The following CNTN5 variants were observed in gnomAD, a reference collection of about 807,000 sequenced individuals.
CNTN5 encodes the protein contactin-5.
Under a neutral mutation model 129.1 loss-of-function variants are expected in CNTN5, and 77 were observed. The observed-to-expected ratio is 0.60, with a 90% CI of 0.50 to 0.72. CNTN5 has a LOEUF of 0.72. Ranked by LOEUF, CNTN5 falls within the 30% of genes least tolerant of loss-of-function variation. CNTN5 has a pLI of 0.00. For synonymous variants in CNTN5, 509 were observed against 465.6 expected, an observed-to-expected ratio of 1.09 and a Z score of -1.20; for missense variants, 1,478 against 1,328.8, an observed-to-expected ratio of 1.11 and a Z score of -1.75.
intron 1 of CNTN5, among the ~76,000 whole-genome samples, chr11:99,124,617 A>G (rs1190386192): frequency 6.6e-6 from 1 of 152,128 alleles, no homozygotes; most frequent in Non-Finnish European, 1.5e-5. Context: ...AACCAAAATC[A>G]GAGCTAAACT....
intron 1 of CNTN5, among the ~76,000 whole-genome samples, chr11:99,213,377 T>TATATACAC (rs1859929016): frequency 7.2e-6 from 1 of 138,802 alleles, no homozygotes; most frequent in Non-Finnish European, 1.5e-5. Flanking sequence ...TATATATGTA[T>TATATACAC]ATACATATAT....
chr11:99,380,093 GTGTGTGTGTGTGTAT>G (rs1287818677), intron 2 of CNTN5, among the ~76,000 whole-genome samples: 3 of 149,238 alleles, frequency 2.0e-5, no homozygotes, highest in Admixed American at 1.4e-4. Context: ...GTGTGTGTGT[GTGTGTGTGTGTGTAT>G]GGTGTGTGTG....
chr11:99,307,568 C>T (rs1382031073), intron 1 of CNTN5, among the ~76,000 whole-genome samples: 1 of 152,094 alleles, frequency 6.6e-6, no homozygotes, highest in Non-Finnish European at 1.5e-5. Flanking sequence ...ATTAATGTAA[C>T]AGTCTTCTGT....
intron 3 of CNTN5, among the ~76,000 whole-genome samples, chr11:99,771,291 A>T (rs1296504849): frequency 3.3e-5 from 5 of 152,072 alleles, no homozygotes; most frequent in Non-Finnish European, 4.4e-5. Flanking sequence ...TTGCAGCATC[A>T]TTCACCATAG....
intron 9 of CNTN5, among the ~76,000 whole-genome samples, chr11:100,038,421 G>A (rs57803970): frequency 0.041 from 6,219 of 152,248 alleles, 147 homozygotes; most frequent in African/African-American, 0.068. Context: ...GTGTGGTGTG[G>A]TGTTGAAAAG....
intron 9 of CNTN5, among the ~76,000 whole-genome samples, chr11:100,011,036 A>G (rs59451320): frequency 0.18 from 27,983 of 152,064 alleles, 3,706 homozygotes; most frequent in African/African-American, 0.38. Flanking sequence ...TAGATGCAGC[A>G]GGTGCTGAAT....
intron 3 of CNTN5, among the ~76,000 whole-genome samples, chr11:99,756,515 G>A (rs1228028945): frequency 6.6e-6 from 1 of 152,098 alleles, no homozygotes; most frequent in Admixed American, 6.5e-5. Context: ...GAAGCACAAT[G>A]AGTAAGCTGA....
intron 6 of CNTN5, among the ~76,000 whole-genome samples, chr11:99,862,923 T>C (rs1280730657): frequency 2.6e-5 from 4 of 152,118 alleles, no homozygotes; most frequent in Admixed American, 2.0e-4. Flanking sequence ...GAGAAGTCGA[T>C]CTGGGGAAGT....
chr11:100,207,546 G>A (rs1948942962), intron 15 of CNTN5, among the ~76,000 whole-genome samples: 1 of 151,872 alleles, frequency 6.6e-6, no homozygotes, highest in African/African-American at 2.4e-5. Context: ...AAAAAATACT[G>A]CATTTTATCC....
intron 24 of CNTN5, among the ~76,000 whole-genome samples, chr11:100,351,796 G>A (rs941343481): frequency 4.0e-5 from 6 of 151,122 alleles, no homozygotes; most frequent in Non-Finnish European, 8.9e-5. Flanking sequence ...AGCAATCATT[G>A]CCAAGCAGAA....
chr11:99,860,710 T>C (rs750868912), intron 6 of CNTN5, among the ~76,000 whole-genome samples: 2 of 152,176 alleles, frequency 1.3e-5, no homozygotes, highest in Non-Finnish European at 2.9e-5. Context: ...CCTTATAGTG[T>C]AGTTTGAAGT....
chr11:99,212,095 A>G (rs187137337), intron 1 of CNTN5, among the ~76,000 whole-genome samples: 86 of 152,296 alleles, frequency 5.6e-4, no homozygotes, highest in Admixed American at 2.6e-3. Flanking sequence ...TTAATAAGGC[A>G]TTTGTTTTCT....
intron 1 of CNTN5, among the ~76,000 whole-genome samples, chr11:99,284,832 T>C (rs890876756): frequency 6.6e-6 from 1 of 151,976 alleles, no homozygotes; most frequent in Non-Finnish European, 1.5e-5. Flanking sequence ...TGCTGGATAG[T>C]AGATAAATAG....
At chr11:100,129,329 A>C (rs1279687470) in intron 13 of CNTN5, among the ~76,000 whole-genome samples, 1 of 152,144 alleles carries the variant, frequency 6.6e-6, no homozygotes, top group Non-Finnish European at 1.5e-5. Flanking sequence ...CTGGGTTTTC[A>C]AAGTAGATTT....
rs1404355066 is a variant in CNTN5, at chr11:99,966,066, C to T, written c.877+9057C>T. On this transcript the variant is annotated intron_variant, in intron 8 of 24. Coordinates refer to ENST00000524871, the MANE Select transcript of CNTN5 (RefSeq NM_014361.4). ...AATGTTTCTGCAAATGTGGCAAATG[C>T]CTCTGTAGGGGTTTGAATATAAAAA... 6.6e-5 allele frequency among the ~76,000 whole-genome samples: 10 copies of T among 152,010 alleles called. No individual in the cohort carries two copies. The East Asian group carries it at 9.7e-4, about 15-fold the overall frequency.
chr11:99,280,407 T>G (rs1863640487), intron 1 of CNTN5, among the ~76,000 whole-genome samples: 1 of 151,846 alleles, frequency 6.6e-6, no homozygotes, highest in African/African-American at 2.4e-5. Flanking sequence ...GGTGACATGA[T>G]TTTGAGCCTA....
chr11:99,718,030 G>GC (rs1491176662), intron 3 of CNTN5, among the ~76,000 whole-genome samples: 3 of 151,996 alleles, frequency 2.0e-5, no homozygotes, highest in Non-Finnish European at 4.4e-5. Flanking sequence ...ATTATAAATT[G>GC]CCTCATTCTG....
chr11:99,125,344 T>TAAAAA (rs34985933), intron 1 of CNTN5, among the ~76,000 whole-genome samples: 25 of 149,398 alleles, frequency 1.7e-4, no homozygotes, highest in African/African-American at 5.9e-4. Context: ...TCAACAGAAC[T>TAAAAA]AAAAAAAAAA....
At chr11:99,184,357 C>G (rs749432546) in intron 1 of CNTN5, among the ~76,000 whole-genome samples, 3 of 152,000 alleles carry the variant, frequency 2.0e-5, no homozygotes, top group Non-Finnish European at 4.4e-5. Flanking sequence ...AGCTGCTACT[C>G]CCTCTGCTCA....
Sources: allele counts gnomAD v4.1 joint callset (sites outside exome capture counted in the v4.1 genomes callset), GRCh38; gene constraint gnomAD v4.1.1; transcripts MANE v1.5; gene names NCBI Gene and HGNC (gene_info 2026-07-23, HGNC 2026-07-21).